The following RIMBP2 variants were observed in gnomAD, a reference collection of about 807,000 sequenced individuals.
The protein encoded by RIMBP2 is RIMS-binding protein 2.
In RIMBP2, 48 loss-of-function variants were observed where a neutral mutation model predicts 118.6. The observed-to-expected ratio is 0.40, with a 90% CI of 0.32 to 0.51. The LOEUF is 0.51. RIMBP2 is among the 20% of genes least tolerant of loss of function. The pLI is 0.41. For missense variants in RIMBP2, 1,551 were observed against 1,768.3 expected (o/e 0.88, Z 2.20); for synonymous variants, 762 against 742.9 (o/e 1.03, Z -0.42).
intron 2 of RIMBP2, among the ~76,000 whole-genome samples, chr12:130,577,727 T>C (rs1439954116): frequency 2.6e-5 from 4 of 152,164 alleles, no homozygotes; most frequent in Admixed American, 2.0e-4. Flanking sequence ...TATATTGTTA[T>C]TGTCAATATT....
At chr12:130,453,724 G>A (rs143370829) in intron 7 of RIMBP2, among the ~76,000 whole-genome samples, 289 of 152,320 alleles carry the variant, frequency 1.9e-3, no homozygotes, top group Admixed American at 4.1e-3. Context: ...AATACTCTTT[G>A]GGGATCTCCT....
At chr12:130,690,083 C>T (rs1456651902) in intron 1 of RIMBP2, among the ~76,000 whole-genome samples, 1 of 152,224 alleles carries the variant, frequency 6.6e-6, no homozygotes, top group East Asian at 1.9e-4. Context: ...CGGGTCCTCA[C>T]TTCTGTCTTC....
chr12:130,421,709 G>A (rs1172507172), intron 17 of RIMBP2, among the ~76,000 whole-genome samples: 3 of 151,966 alleles, frequency 2.0e-5, no homozygotes, highest in South Asian at 4.2e-4. Context: ...GTGTGTGTGT[G>A]TGTGTGTGTG....
chr12:130,665,533 G>A (rs1054645092), intron 1 of RIMBP2, among the ~76,000 whole-genome samples: 2 of 151,450 alleles, frequency 1.3e-5, no homozygotes, highest in African/African-American at 2.5e-5. Context: ...GTGACAGGGC[G>A]AGACCCTGCC....
At chr12:130,541,483 T>C (rs570639038) in intron 2 of RIMBP2, among the ~76,000 whole-genome samples, 6 of 152,348 alleles carry the variant, frequency 3.9e-5, no homozygotes, top group African/African-American at 1.4e-4. Flanking sequence ...GAATGATTCA[T>C]TATTTAACTG....
chr12:130,576,020 G>A lies in RIMBP2; in HGVS notation c.-217+52302C>T, dbSNP rs1004486243. Among the ~76,000 whole-genome samples, 2 of 152,118 alleles carry A rather than the reference G, an allele frequency of 1.3e-5. No homozygotes were observed. The highest frequency in any genetic ancestry group is 1.5e-5 in the Non-Finnish European group (1 of 68,038). On this transcript the variant is annotated intron_variant, in intron 2 of 22. Coordinates refer to ENST00000690449, the MANE Select transcript of RIMBP2 (RefSeq NM_001393629.1). The surrounding 1 kb of genome is among the most constrained non-coding windows in gnomAD (Gnocchi z 4.2). The stretch of plus-strand genomic sequence containing the variant: ...GCTGGGTGGCTCTTTGCAGTGAGGA[G>A]GAGCATGGTGGACAGAACAACTGCC...
intron 15 of RIMBP2, chr12:130,427,388 C>G (rs1204696795): frequency 6.6e-6 from 1 of 152,388 alleles, no homozygotes; most frequent in East Asian, 1.9e-4. Context: ...GTGCATAGAG[C>G]TGGTCATCCC....
intron 20 of RIMBP2, 140 bp from the exon 21 acceptor site, chr12:130,406,383 G>T (rs1008447074): frequency 6.6e-6 from 4 of 606,108 alleles, no homozygotes; most frequent in Non-Finnish European, 1.2e-5. Context: ...AAAGGTAGAA[G>T]CTAATGAATG....
intron 1 of RIMBP2, among the ~76,000 whole-genome samples, chr12:130,646,104 T>A: frequency 7.4e-6 from 1 of 134,252 alleles, no homozygotes; most frequent in Non-Finnish European, 1.7e-5. Flanking sequence ...TCCACCTCCC[T>A]CTCCACCTCC....
At position 130,475,949 on chromosome 12, in the gene RIMBP2, G is replaced by A. The variant is rs1388281649; in HGVS notation, c.102+2963C>T. ...TGAGTAAAGGAATTGGGGCACAGTG[G>A]CATCGTCTGGCTTCCGGGTCTAAAC... On this transcript the variant is annotated intron_variant, in intron 5 of 22. Coordinates refer to ENST00000690449, the MANE Select transcript of RIMBP2 (RefSeq NM_001393629.1). The surrounding 1 kb of genome is among the most constrained non-coding windows in gnomAD (Gnocchi z 4.1). Among the ~76,000 whole-genome samples, 3 of 152,024 alleles carry A rather than the reference G, an allele frequency of 2.0e-5. No individual in the cohort carries two copies. Among genetic ancestry groups the A allele is most frequent in the Admixed American group, 2.0e-4 (3 of 15,272 alleles).
At chr12:130,544,900 G>T (rs1445216356) in intron 2 of RIMBP2, among the ~76,000 whole-genome samples, 1 of 152,144 alleles carries the variant, frequency 6.6e-6, no homozygotes, top group Non-Finnish European at 1.5e-5. Flanking sequence ...AAGACAGATG[G>T]AGAGAGTGCG....
intron 12 of RIMBP2, 47 bp from the exon 13 acceptor site, chr12:130,437,338 G>T: frequency 6.7e-7 from 1 of 1,488,004 alleles, no homozygotes. Context: ...GGTGAGCCCC[G>T]CGGTCCTGCA....
chr12:130,649,139 C>T (rs781269222), intron 1 of RIMBP2, among the ~76,000 whole-genome samples: 1 of 145,538 alleles, frequency 6.9e-6, no homozygotes, highest in Non-Finnish European at 1.6e-5. Flanking sequence ...GAGGTGGGTA[C>T]GGAGGTGGCA....
At chr12:130,400,982 T>C (rs976085788) in intron 21 of RIMBP2, among the ~76,000 whole-genome samples, 6 of 152,194 alleles carry the variant, frequency 3.9e-5, no homozygotes, top group Non-Finnish European at 7.3e-5. Context: ...GAAGGTGAGA[T>C]GGTGCAGCTG....
In RIMBP2 at chr12:130,494,638, C is replaced by CAAAAA. The variant is rs71451372; in HGVS notation, c.-4+12005_-4+12009dup. ...TGGGCAACAGAGTGAAACCCTGTCT[C>CAAAAA]AAAAAAAAAAAAAGAAAGAAAAGAA... On this transcript the variant is annotated intron_variant, in intron 4 of 22. Transcript: ENST00000690449. 4.3e-4 allele frequency among the ~76,000 whole-genome samples: 58 copies of CAAAAA among 135,872 alleles called. 1 individual carries two copies. Among genetic ancestry groups the CAAAAA allele is most frequent in the Middle Eastern group, 3.9e-3 (1 of 256 alleles). 89.1% of individuals were successfully genotyped at this position (135,872 alleles called of 152,430 possible). A position where few individuals can be genotyped will look rare whatever the true frequency, so the allele number is the denominator to read the frequency against.
rs1049105031 is a variant in RIMBP2, at chr12:130,457,791, G to A, written c.154-1091C>T. Among the ~76,000 whole-genome samples, 7 of 152,232 alleles carry A rather than the reference G, an allele frequency of 4.6e-5. No homozygotes were observed. The South Asian group carries it at 6.2e-4, about 14-fold the overall frequency. On this transcript the variant is annotated intron_variant, in intron 6 of 22. Coordinates refer to ENST00000690449, the MANE Select transcript of RIMBP2 (RefSeq NM_001393629.1). ...AGCACCCAGCAGGTGCTCAAAGAGC[G>A]TTTGCTGAATCAGTGAAAAAGGCGA...
At chr12:130,494,638 CAA>C (rs71451372) in intron 4 of RIMBP2, among the ~76,000 whole-genome samples, 8 of 135,820 alleles carry the variant, frequency 5.9e-5, no homozygotes, top group Admixed American at 7.4e-5. Context: ...AACCCTGTCT[CAA>C]AAAAAAAAAA....
In RIMBP2 at chr12:130,616,185, C is replaced by T. The variant is rs763133710; in HGVS notation, c.-217+12137G>A. ...CAAATGGGGAGCTGTTCACGGTGTC[C>T]CCTTTCATCCCTAGACATCTGAAGA... On this transcript the variant is annotated intron_variant, in intron 2 of 22. Coordinates refer to ENST00000690449, the MANE Select transcript of RIMBP2 (RefSeq NM_001393629.1). Among the ~76,000 whole-genome samples the T allele has an allele frequency of 1.6e-4, 25 of 152,136 alleles. 1 individual carries two copies. The highest frequency in any genetic ancestry group is 2.4e-4 in the Non-Finnish European group (16 of 68,034).
intron 1 of RIMBP2, among the ~76,000 whole-genome samples, 170 bp downstream of exon 1, chr12:130,716,052 C>G (rs1389339074): frequency 6.6e-6 from 1 of 152,180 alleles, no homozygotes. Flanking sequence ...GCACCCAGCG[C>G]CCCCGGACCC....
Sources: gnomAD v4.1 joint callset for allele counts (sites outside exome capture counted in the v4.1 genomes callset) on GRCh38, gnomAD v4.1.1 for gene constraint, Gnocchi (gnomAD v3.1) non-coding constraint, MANE v1.5 for transcripts, NCBI Gene and HGNC (gene_info 2026-07-23, HGNC 2026-07-21) for gene names.